The following SLC8B1 variants were observed in gnomAD, a reference collection of about 807,000 sequenced individuals.
The protein encoded by SLC8B1 is mitochondrial sodium/calcium exchanger protein.
SLC8B1 carries 52 observed loss-of-function variants against 63.4 expected under a neutral mutation model. The observed-to-expected ratio is 0.82, with a 90% CI of 0.66 to 1.03. The LOEUF (loss-of-function observed/expected upper bound fraction) is 1.03. Ranked by LOEUF, SLC8B1 falls within the 50% of genes least tolerant of loss-of-function variation. SLC8B1 has a pLI of 0.00. For missense variants in SLC8B1, 657 were observed against 741.7 expected, an observed-to-expected ratio of 0.89 and a Z score of 1.33; for synonymous variants, 336 against 323.9, an observed-to-expected ratio of 1.04 and a Z score of -0.40.
chr12:113,313,553 C>T (rs576302278), intron 11 of SLC8B1, among the ~76,000 whole-genome samples: 18 of 152,166 alleles, frequency 1.2e-4, no homozygotes, highest in Admixed American at 2.0e-4. Flanking sequence ...CCAGCCTGGC[C>T]GACATAGTGA....
At chr12:113,300,665 C>T (rs565147890) in intron 15 of SLC8B1, among the ~76,000 whole-genome samples, 123 of 152,320 alleles carry the variant, frequency 8.1e-4, no homozygotes, top group Non-Finnish European at 5.9e-5. Context: ...GACGCAGAAA[C>T]AGCAGGGAAA....
intron 8 of SLC8B1, among the ~76,000 whole-genome samples, chr12:113,317,673 C>A (rs73192857): frequency 0.036 from 5,411 of 152,266 alleles, 131 homozygotes; most frequent in Non-Finnish European, 0.055. Flanking sequence ...TGGCCCTCCT[C>A]GAGTGAGGAG....
intron 2 of SLC8B1, among the ~76,000 whole-genome samples, chr12:113,322,754 C>G (rs535821139): frequency 6.6e-6 from 1 of 152,130 alleles, no homozygotes; most frequent in Non-Finnish European, 1.5e-5. Flanking sequence ...CGAGACCAGC[C>G]TGGGCAACAT....
intron 2 of SLC8B1, among the ~76,000 whole-genome samples, chr12:113,325,317 A>C (rs1257780395): frequency 6.6e-6 from 1 of 152,156 alleles, no homozygotes; most frequent in African/African-American, 2.4e-5. Context: ...GCAGTGGGGC[A>C]ATCATGGCTC....
intron 10 of SLC8B1, 120 bp downstream of exon 10, chr12:113,316,406 G>T: frequency 1.5e-6 from 2 of 1,290,602 alleles, no homozygotes; most frequent in Non-Finnish European, 2.1e-6. Context: ...CACAAGTCAT[G>T]TATTCTGAGA....
chr12:113,327,624 G>C (rs1957011093), intron 2 of SLC8B1, among the ~76,000 whole-genome samples: 1 of 151,456 alleles, frequency 6.6e-6, no homozygotes, highest in Admixed American at 6.6e-5. Flanking sequence ...GGAGGTTGCA[G>C]TGAGCCAAGA....
At chr12:113,327,979 CAAAA>C (rs76685425) in intron 2 of SLC8B1, among the ~76,000 whole-genome samples, 1,675 of 86,734 alleles carry the variant, frequency 0.019, 38 homozygotes, top group African/African-American at 0.062. Flanking sequence ...ACTACGTCTC[CAAAA>C]AAAAAAAAAA....
intron 11 of SLC8B1, among the ~76,000 whole-genome samples, chr12:113,313,952 GTGA>G (rs1350228863): frequency 6.6e-6 from 1 of 152,190 alleles, no homozygotes. Context: ...AGAGGTTGCA[GTGA>G]GCTGAGATCA....
intron 2 of SLC8B1, among the ~76,000 whole-genome samples, chr12:113,326,694 T>TTA (rs1490043873): frequency 4.6e-5 from 7 of 151,868 alleles, no homozygotes; most frequent in African/African-American, 1.7e-4. Flanking sequence ...TTTTTTTTTT[T>TTA]TTGAGACAAG....
chr12:113,333,664 C>G (rs1237267966), intron 1 of SLC8B1, among the ~76,000 whole-genome samples: 1 of 151,468 alleles, frequency 6.6e-6, no homozygotes, highest in Non-Finnish European at 1.5e-5. Context: ...CCGCCCCCCA[C>G]CCCACCCTGC....
In SLC8B1 at chr12:113,320,314, G is replaced by A. The variant is rs1956903043; in HGVS notation, c.694+17C>T. The A allele has an allele frequency of 6.2e-7, 1 of 1,613,054 alleles. No individual in the cohort carries two copies. Among genetic ancestry groups the A allele is most frequent in the East Asian group, 2.2e-5 (1 of 44,868 alleles). The stretch of plus-strand genomic sequence containing the variant: ...ATCAGCCCTGGGATCTCACGCCTGA[G>A]CCCCAGAGCTGCTCACCCAGAGCCC... On this transcript the variant is annotated intron_variant, in intron 7 of 15. Transcript: ENST00000680972. The surrounding 1 kb of genome is among the most constrained non-coding windows in gnomAD (Gnocchi z 5.3).
chr12:113,302,972 G>A (rs1006642045), intron 15 of SLC8B1, among the ~76,000 whole-genome samples: 1 of 151,842 alleles, frequency 6.6e-6, no homozygotes, highest in Admixed American at 6.6e-5. Flanking sequence ...CGGCAGGAGC[G>A]TTTCCTAAAC....
chr12:113,309,725 T>C (rs1207401050), intron 12 of SLC8B1, among the ~76,000 whole-genome samples: 1 of 152,138 alleles, frequency 6.6e-6, no homozygotes, highest in Admixed American at 6.6e-5. Flanking sequence ...CACTGCACTC[T>C]AGCCTGGACA....
intron 8 of SLC8B1, among the ~76,000 whole-genome samples, chr12:113,317,886 T>G (rs934929220): frequency 6.6e-6 from 1 of 151,020 alleles, no homozygotes; most frequent in Non-Finnish European, 1.5e-5. Flanking sequence ...TGTGCATTGA[T>G]GTTTTTGTGT....
intron 11 of SLC8B1, among the ~76,000 whole-genome samples, chr12:113,311,398 T>C (rs1251895797): frequency 6.6e-6 from 1 of 151,654 alleles, no homozygotes; most frequent in African/African-American, 2.4e-5. Flanking sequence ...TGCAGTGAGC[T>C]GAGATCGCAC....
At chr12:113,316,097 G>A (rs557418266) in intron 10 of SLC8B1, among the ~76,000 whole-genome samples, 43 of 152,178 alleles carry the variant, frequency 2.8e-4, no homozygotes, top group Middle Eastern at 3.4e-3. Flanking sequence ...GGTGGCGGGC[G>A]CCTATAGTCC....
chr12:113,329,140 C>T (rs1356215335), intron 2 of SLC8B1, among the ~76,000 whole-genome samples: 1 of 152,162 alleles, frequency 6.6e-6, no homozygotes, highest in African/African-American at 2.4e-5. Context: ...TTGTGCTGCA[C>T]ACCGTGCTGG....
intron 11 of SLC8B1, among the ~76,000 whole-genome samples, chr12:113,313,413 A>C (rs1268951572): frequency 3.3e-5 from 5 of 151,786 alleles, no homozygotes; most frequent in Non-Finnish European, 7.4e-5. Context: ...GTTCAGGACC[A>C]GCCTGGACAA....
Position 113,320,555 on chromosome 12 carries a change from G to T in SLC8B1, c.526+26C>A. The T allele has an allele frequency of 1.2e-6, 2 of 1,613,750 alleles. No individual in the cohort carries two copies. Among genetic ancestry groups the T allele is most frequent in the Non-Finnish European group, 1.7e-6 (2 of 1,179,926 alleles). ...TGCACCCTCTCCTGCTGCTTTCCCC[G>T]CCCCCCTCACTGGGGCTGCTCTCAC... On this transcript the variant is annotated intron_variant, in intron 6 of 15. Coordinates refer to ENST00000680972, the MANE Select transcript of SLC8B1 (RefSeq NM_001358345.2). This position sits in a 1 kb window ranked among gnomAD's most constrained non-coding sequence, Gnocchi z 5.3.
Sources: gnomAD v4.1 joint callset for allele counts (sites outside exome capture counted in the v4.1 genomes callset) on GRCh38, gnomAD v4.1.1 for gene constraint, Gnocchi (gnomAD v3.1) non-coding constraint, MANE v1.5 for transcripts, NCBI Gene and HGNC (gene_info 2026-07-23, HGNC 2026-07-21) for gene names.